Variants in SIGLEC9 observed in about 807,000 individuals in gnomAD.
SIGLEC9 encodes sialic acid binding Ig like lectin 9, also known as sialic acid-binding Ig-like lectin 9.
Under a neutral mutation model 38.3 loss-of-function variants are expected in SIGLEC9, and 26 were observed. That is an observed-to-expected ratio of 0.68 (90% confidence interval 0.50 to 0.94). The LOEUF is 0.94. SIGLEC9 is among the 40% of genes least tolerant of loss of function. The pLI is 0.00. For missense variants in SIGLEC9, 556 were observed against 585.7 expected (o/e 0.95, Z 0.52); for synonymous variants, 236 against 248.0 (o/e 0.95, Z 0.45).
chr19:51,124,654 G>A (rs1002421035), upstream of SIGLEC9, among the ~76,000 whole-genome samples: 1 of 152,102 alleles, frequency 6.6e-6, no homozygotes, highest in Non-Finnish European at 1.5e-5. Context: ...TGCAGAAAAT[G>A]TCACCTAAGG....
rs2091984478 is a variant in SIGLEC9, at chr19:51,127,200, C to A, written c.919C>A (p.Leu307Met). ...GCCCTCAAACCCGGGGGTGCTGGAG[C>A]TGCCTTGGGTGCACCTGAGGGATGC... is the stretch of plus-strand genomic sequence containing the variant. ...SQPSNPGVLE[L>M]PWVHLRDAAE... Residue 307 changes from leucine (L) to methionine (M), a missense_variant, in exon 4 of 7, where the codon CTG becomes ATG. Physicochemically the swap from Leu to Met is conservative, Grantham distance 15 (BLOSUM62 2). Transcript: ENST00000250360. 1.9e-6 allele frequency: 3 copies of A among 1,614,246 alleles called. No individual in the cohort carries two copies. In the East Asian group the frequency reaches 6.7e-5, roughly 36 times the overall value.
Position 51,126,082 on chromosome 19 carries a change from C to T in SIGLEC9, c.702C>T (p.Tyr234=). The T allele has an allele frequency of 6.2e-7, 1 of 1,614,066 alleles. No individual in the cohort carries two copies. Among genetic ancestry groups the T allele is most frequent in the Non-Finnish European group, 8.5e-7 (1 of 1,179,930 alleles). Residue 234 remains tyrosine (Y), a splice_region_variant and synonymous_variant, in exon 3 of 7, where the codon TAC becomes TAT. Coordinates refer to ENST00000250360, the MANE Select transcript of SIGLEC9 (RefSeq NM_014441.3). ...GGTCTCCATGTCTTTCTGTCCCAGA[C>T]CCGCCTCAGAACTTGACCATGACTG... is the stretch of plus-strand genomic sequence containing the variant. ...TNKTVHLNVS[Y]PPQNLTMTVF... is the part of the protein sequence containing the mutation.
rs2092038581 is a variant in SIGLEC9, at chr19:51,135,837, G to A, written c.1204-125G>A. 3 of 584,290 alleles carry A rather than the reference G, an allele frequency of 5.1e-6. No homozygotes were observed. The South Asian group carries it at 6.6e-5, about 13-fold the overall frequency. 36.2% of individuals were successfully genotyped at this position (584,290 alleles called of 1,614,324 possible). A position where few individuals can be genotyped will look rare whatever the true frequency, so the allele number is the denominator to read the frequency against. ...CAGAGAACTGGTCTTTGAGCTCTGAGATTCTTTTCTCAGCTTAATCTATTC... is the reference window on the plus strand; with the variant it reads ...CAGAGAACTGGTCTTTGAGCTCTGAAATTCTTTTCTCAGCTTAATCTATTC... On this transcript the variant is annotated intron_variant, in intron 6 of 6. Transcript: ENST00000440804.
chr19:51,128,067 A>C (rs746569665), intron 5 of SIGLEC9, 28 bp downstream of exon 5: 1 of 1,563,754 alleles, frequency 6.4e-7, no homozygotes, highest in Non-Finnish European at 8.8e-7. Context: ...AGAGGGAGGG[A>C]GGGAGAGCCC....
At chr19:51,132,332 G>A (rs1391641275), downstream of SIGLEC9, among the ~76,000 whole-genome samples, 1 of 152,172 alleles carries the variant, frequency 6.6e-6, no homozygotes, top group Non-Finnish European at 1.5e-5. Context: ...GGGGGTGCAC[G>A]GCAACATATT....
At position 51,125,617 on chromosome 19, in the gene SIGLEC9, A is replaced by C. The variant is rs759807176; in HGVS notation, c.442A>C (p.Ile148Leu). The change falls in exon 2 of 7, where the codon ATC (isoleucine) becomes CTC (leucine). Residue 148 changes from isoleucine to leucine, a missense_variant. Ile to Leu is a conservative substitution (Grantham distance 5, BLOSUM62 2). Transcript: ENST00000250360. ...ACCAGCCTTGACCCACAGGCCCAAC[A>C]TCCTCATCCCAGGCACCCTGGAGTC... ...NVTALTHRPN[I>L]LIPGTLESGC... 5 of 1,611,732 alleles carry C rather than the reference A, an allele frequency of 3.1e-6. No homozygotes were observed. Among genetic ancestry groups the C allele is most frequent in the African/African-American group, 1.3e-5 (1 of 74,958 alleles).
At chr19:51,123,838 G>T (rs113687644), upstream of SIGLEC9, among the ~76,000 whole-genome samples, 63 of 152,256 alleles carry the variant, frequency 4.1e-4, no homozygotes, top group African/African-American at 1.5e-3. Flanking sequence ...CACCACACAG[G>T]ATACTCCCAG....
intron 5 of SIGLEC9, 40 bp downstream of exon 5, chr19:51,128,079 G>C (rs1410879811): frequency 1.1e-5 from 16 of 1,502,964 alleles, no homozygotes; most frequent in East Asian, 2.3e-5. Flanking sequence ...GGAGAGCCCT[G>C]GGGGAGGACA....
upstream of SIGLEC9, among the ~76,000 whole-genome samples, chr19:51,123,941 G>A (rs1296243720): frequency 6.6e-6 from 1 of 152,140 alleles, no homozygotes; most frequent in Non-Finnish European, 1.5e-5. Context: ...ATCGCGGAGG[G>A]TGCATGCCCC....
At chr19:51,133,747 C>T (rs918999496), downstream of SIGLEC9, among the ~76,000 whole-genome samples, 5 of 152,112 alleles carry the variant, frequency 3.3e-5, no homozygotes, top group Non-Finnish European at 5.9e-5. Context: ...TACAACTGTG[C>T]TGTTTGATAT....
chr19:51,130,334 C>T, downstream of SIGLEC9: 3 of 486,280 alleles, frequency 6.2e-6, no homozygotes, highest in Non-Finnish European at 9.2e-6. Flanking sequence ...TGGTTTCCTG[C>T]TCTGTAAAAC....
chr19:51,125,472 C>T, intron 1 of SIGLEC9, 77 bp downstream of exon 1: 1 of 1,547,444 alleles, frequency 6.5e-7, no homozygotes, highest in Non-Finnish European at 8.7e-7. Flanking sequence ...GGAGCCCCTG[C>T]CCCAGGAGAG....
chr19:51,123,736 A>G (rs2091957541), upstream of SIGLEC9, among the ~76,000 whole-genome samples: 1 of 151,908 alleles, frequency 6.6e-6, no homozygotes, highest in Non-Finnish European at 1.5e-5. Context: ...AACCGCTGAG[A>G]TTTTTTCTTG....
intron 6 of SIGLEC9, among the ~76,000 whole-genome samples, chr19:51,129,314 A>G (rs1016398254): frequency 1.4e-5 from 2 of 147,342 alleles, no homozygotes; most frequent in African/African-American, 2.5e-5. Flanking sequence ...GCCTGCCACC[A>G]CGCCCAGCTA....
intron 3 of SIGLEC9, among the ~76,000 whole-genome samples, chr19:51,126,424 T>C (rs759653906): frequency 2.0e-5 from 3 of 151,932 alleles, no homozygotes; most frequent in Admixed American, 6.5e-5. Flanking sequence ...TCTCCACCCT[T>C]ATCTGTTTAT....
downstream of SIGLEC9, among the ~76,000 whole-genome samples, chr19:51,133,195 A>G (rs1028127518): frequency 2.0e-5 from 3 of 152,128 alleles, no homozygotes; most frequent in Admixed American, 6.6e-5. Context: ...GGACTAGAGT[A>G]CAGTCTACAA....
upstream of SIGLEC9, among the ~76,000 whole-genome samples, chr19:51,122,265 G>T (rs2091951618): frequency 1.3e-5 from 2 of 152,134 alleles, no homozygotes; most frequent in African/African-American, 2.4e-5. This position sits in a 1 kb window ranked among gnomAD's most constrained non-coding sequence, Gnocchi z 4.1. Context: ...CAGCTAGCGT[G>T]GACTCCGGGA....
At chr19:51,128,854 A>C (rs572390417) in intron 6 of SIGLEC9, 24 of 252,034 alleles carry the variant, frequency 9.5e-5, no homozygotes, top group African/African-American at 4.8e-4. Flanking sequence ...CCACCCCTCA[A>C]TACCGTTTAG....
In SIGLEC9 at chr19:51,125,224, T is replaced by C. The variant is rs765907756; in HGVS notation, c.250T>C (p.Trp84Arg). The C allele has an allele frequency of 6.2e-6, 10 of 1,614,022 alleles. No individual in the cohort carries two copies. The highest frequency in any genetic ancestry group is 8.5e-6 in the Non-Finnish European group (10 of 1,179,960). ...CACAAACAACCCAGCTCGGGCAGTGTGGGAGGAGACTCGGGACCGATTCCA... is the reference window on the plus strand; with the variant it reads ...CACAAACAACCCAGCTCGGGCAGTGCGGGAGGAGACTCGGGACCGATTCCA... Reference protein sequence around the residue: ...VATNNPARAVWEETRDRFHLL... With the variant: ...VATNNPARAVREETRDRFHLL... The change falls in exon 1 of 7, where the codon TGG becomes CGG. Residue 84 changes from tryptophan to arginine, a missense_variant. By Grantham distance (101) the Trp-to-Arg change is moderately radical. Coordinates refer to ENST00000250360, the MANE Select transcript of SIGLEC9 (RefSeq NM_014441.3).
Sources: allele counts gnomAD v4.1 joint callset (sites outside exome capture counted in the v4.1 genomes callset), GRCh38; gene constraint gnomAD v4.1.1; non-coding constraint Gnocchi (gnomAD v3.1); transcripts MANE v1.5; gene names NCBI Gene and HGNC (gene_info 2026-07-23, HGNC 2026-07-21).